The following RERE variants were observed in gnomAD, a reference collection of about 807,000 sequenced individuals.
RERE encodes the protein arginine-glutamic acid dipeptide repeats.
A neutral mutation model predicts 146.1 loss-of-function variants in RERE; 40 were observed. That is an observed-to-expected ratio of 0.27 (90% CI 0.21 to 0.36). The LOEUF (loss-of-function observed/expected upper bound fraction) is 0.36. Ranked by LOEUF, RERE falls within the 10% of genes least tolerant of loss-of-function variation. The pLI is 1.00. For missense variants in RERE, 1,933 were observed against 2,138.7 expected, an observed-to-expected ratio of 0.90 and a Z score of 1.90; for synonymous variants, 1,003 against 866.0, an observed-to-expected ratio of 1.16 and a Z score of -2.78.
At chr1:8,748,241 G>A (rs1640462557) in intron 1 of RERE, among the ~76,000 whole-genome samples, 1 of 152,126 alleles carries the variant, frequency 6.6e-6, no homozygotes, top group Non-Finnish European at 1.5e-5. Flanking sequence ...TTATTATGCT[G>A]GTAAATAGTG....
At chr1:8,546,180 C>A (rs1000496622) in intron 6 of RERE, among the ~76,000 whole-genome samples, 2 of 151,080 alleles carry the variant, frequency 1.3e-5, no homozygotes, top group Non-Finnish European at 3.0e-5. Context: ...GGGGTTTCAC[C>A]ATACTGCCCA....
intron 1 of RERE, among the ~76,000 whole-genome samples, chr1:8,732,612 C>A (rs1210878438): frequency 6.6e-6 from 1 of 151,680 alleles, no homozygotes; most frequent in African/African-American, 2.4e-5. Context: ...TCTGTCAAAC[C>A]CCACAGAATG....
intron 1 of RERE, among the ~76,000 whole-genome samples, chr1:8,749,646 G>C (rs1413538308): frequency 1.3e-5 from 2 of 152,320 alleles, no homozygotes; most frequent in South Asian, 2.1e-4. Flanking sequence ...AAGGACAGGA[G>C]GCCATTGTGA....
At chr1:8,746,307 C>G (rs1008047643) in intron 1 of RERE, among the ~76,000 whole-genome samples, 28 of 152,062 alleles carry the variant, frequency 1.8e-4, no homozygotes, top group African/African-American at 6.5e-4. Flanking sequence ...AGGGAACTAC[C>G]ACTTCATATG....
At chr1:8,710,514 ATT>A (rs973988601) in intron 1 of RERE, among the ~76,000 whole-genome samples, 23 of 152,068 alleles carry the variant, frequency 1.5e-4, no homozygotes, top group African/African-American at 5.6e-4. Context: ...AAACATAGAT[ATT>A]TGTTTGTTTG....
At chr1:8,604,728 T>C (rs540992992) in intron 4 of RERE, among the ~76,000 whole-genome samples, 1 of 152,274 alleles carries the variant, frequency 6.6e-6, no homozygotes, top group South Asian at 2.1e-4. Context: ...TGTATTTCTC[T>C]ACATTACAAA....
Position 8,360,520 on chromosome 1 carries a change from G to T in RERE, c.2987C>A (p.Pro996Gln). ...GGGCTGGGCGGGCGAGGAGGGCAAT[G>T]GCTGGCTCTGAGGCATGAGTTGCAG... is the stretch of plus-strand genomic sequence containing the variant. ...PPLQLMPQSQ[P>Q]LPSSPAQPPG... Residue 996 changes from proline to glutamine, a missense_variant, in exon 18 of 23, where the codon CCA becomes CAA. Around this residue, in one of 11 missense-constraint regions of RERE, gnomAD observed 1,255 missense variants for 1,153.8 expected, o/e 1.09. Coordinates refer to ENST00000400908, the MANE Select transcript of RERE (RefSeq NM_001042681.2). 7.8e-7 allele frequency: 1 copy of T among 1,284,672 alleles called. No individual in the cohort carries two copies. The highest frequency in any genetic ancestry group is 1.0e-6 in the Non-Finnish European group (1 of 982,442). The allele number at this position is 1,284,672 out of a possible 1,614,324, so 79.6% of individuals were successfully genotyped here.
At chr1:8,414,958 T>A (rs1196804374) in intron 12 of RERE, among the ~76,000 whole-genome samples, 4 of 152,178 alleles carry the variant, frequency 2.6e-5, no homozygotes, top group African/African-American at 9.7e-5. Context: ...TACTATTAAT[T>A]TTTACTCTAT....
chr1:8,486,042 C>T (rs1284603306), intron 10 of RERE, among the ~76,000 whole-genome samples: 2 of 152,146 alleles, frequency 1.3e-5, no homozygotes, highest in Non-Finnish European at 2.9e-5. Flanking sequence ...TTGTGACCCG[C>T]CCACCTCGGC....
chr1:8,535,068 A>C (rs1645707609), intron 7 of RERE, among the ~76,000 whole-genome samples: 1 of 152,098 alleles, frequency 6.6e-6, no homozygotes, highest in South Asian at 2.1e-4. Flanking sequence ...CACTTAATCT[A>C]GGCTGCAGTG....
Position 8,352,683 on chromosome 1 carries a change from C to G in RERE, c.*2404G>C, listed in dbSNP as rs1376854620. 4.6e-5 allele frequency: 7 copies of G among 152,262 alleles called. No individual in the cohort carries two copies. The highest frequency in any genetic ancestry group is 1.0e-4 in the Non-Finnish European group (7 of 68,034). The allele number at this position is 152,262 out of a possible 1,614,324, so 9.4% of individuals were successfully genotyped here. A position where few individuals can be genotyped will look rare whatever the true frequency, so the allele number is the denominator to read the frequency against. On this transcript the variant is annotated 3_prime_UTR_variant, in exon 23 of 23. Transcript: ENST00000400908. ...CAGAGGAGCCAAACCAAACCCCGAA[C>G]AAAGGGAGGAAAATCCGAAGGAAAC...
At chr1:8,370,079 C>T (rs1019367344) in intron 12 of RERE, among the ~76,000 whole-genome samples, 10 of 152,006 alleles carry the variant, frequency 6.6e-5, no homozygotes, top group African/African-American at 1.4e-4. Flanking sequence ...TGTGAGCCAC[C>T]GTGCCCAGCC....
chr1:8,689,202 G>A (rs989930849), intron 1 of RERE, among the ~76,000 whole-genome samples: 6 of 152,082 alleles, frequency 3.9e-5, no homozygotes, highest in African/African-American at 1.2e-4. Context: ...TAGAGACTCA[G>A]AATTCTTTCA....
chr1:8,545,485 C>T (rs1645847640), intron 6 of RERE, among the ~76,000 whole-genome samples: 1 of 152,084 alleles, frequency 6.6e-6, no homozygotes, highest in African/African-American at 2.4e-5. Flanking sequence ...AATTCACTCT[C>T]TTAAAATTAC....
intron 4 of RERE, among the ~76,000 whole-genome samples, chr1:8,572,592 T>C (rs1250695514): frequency 6.6e-6 from 1 of 152,212 alleles, no homozygotes; most frequent in African/African-American, 2.4e-5. Flanking sequence ...ATCTGAGATA[T>C]ACTTTCCTCA....
At chr1:8,362,421 C>T (rs141082109) in intron 16 of RERE, among the ~76,000 whole-genome samples, 1 of 152,258 alleles carries the variant, frequency 6.6e-6, no homozygotes, top group East Asian at 1.9e-4. Flanking sequence ...TGGAGGGAGC[C>T]GTTCTAACCA....
rs72866017 is a variant in RERE at position 8,393,696 on chromosome 1, C to T, written c.1285-27722G>A. On this transcript the variant is annotated intron_variant, in intron 12 of 22. Coordinates refer to ENST00000400908, the MANE Select transcript of RERE (RefSeq NM_001042681.2). Reference sequence around the variant, plus strand: ...AAGCATAGGTAAGATAAAATAGCAACCCTCAACTCTGATGCATCCAGAACT... The same window carrying T: ...AAGCATAGGTAAGATAAAATAGCAATCCTCAACTCTGATGCATCCAGAACT... Among the ~76,000 whole-genome samples the T allele has an allele frequency of 2.4e-3, 358 of 152,188 alleles. 4 individuals are homozygous for T. Among genetic ancestry groups the T allele is most frequent in the African/African-American group, 7.3e-3 (304 of 41,500 alleles).
chr1:8,361,608 G>A (rs1641585023), intron 17 of RERE, 118 bp from the exon 18 acceptor site: 21 of 1,435,102 alleles, frequency 1.5e-5, no homozygotes, highest in Admixed American at 1.8e-5. Context: ...GCTTGGCTCC[G>A]GGACCACAGG....
chr1:8,372,337 C>T (rs1341788064), intron 12 of RERE, among the ~76,000 whole-genome samples: 1 of 152,060 alleles, frequency 6.6e-6, no homozygotes, highest in African/African-American at 2.4e-5. Flanking sequence ...CATAAGGGTA[C>T]ACCCAAGATT....
Sources: allele counts gnomAD v4.1 joint callset (sites outside exome capture counted in the v4.1 genomes callset), GRCh38; gene constraint gnomAD v4.1.1; regional missense constraint gnomAD v4.1.1; transcripts MANE v1.5; gene names NCBI Gene and HGNC (gene_info 2026-07-23, HGNC 2026-07-21).